Variants in TACR1 observed in about 807,000 individuals in gnomAD.
TACR1 encodes the protein tachykinin receptor 1.
A neutral mutation model predicts 35.8 loss-of-function variants in TACR1; 25 were observed. That is an observed-to-expected ratio of 0.70 (90% CI 0.51 to 0.98). The LOEUF (loss-of-function observed/expected upper bound fraction) is 0.98, where lower values mean the gene tolerates loss of function less well. Among genes scored for constraint, TACR1 ranks in the 50% least tolerant of loss-of-function variants. The pLI is 0.00. For missense variants in TACR1, 478 were observed against 522.9 expected (o/e 0.91, Z 0.84); for synonymous variants, 195 against 206.7 (o/e 0.94, Z 0.48).
intron 2 of TACR1, among the ~76,000 whole-genome samples, chr2:75,099,629 G>A (rs542673763): frequency 6.9e-4 from 105 of 152,312 alleles, no homozygotes; most frequent in African/African-American, 2.3e-3. Flanking sequence ...CCCAGGGAGA[G>A]GTTTGCGCGG....
intron 1 of TACR1, among the ~76,000 whole-genome samples, chr2:75,152,314 G>A (rs923708493): frequency 2.6e-5 from 4 of 152,318 alleles, no homozygotes; most frequent in South Asian, 2.1e-4. Context: ...CCCACGTGTT[G>A]TGGGAGGAAC....
At chr2:75,074,912 A>G (rs983439316) in intron 2 of TACR1, among the ~76,000 whole-genome samples, 16 of 152,336 alleles carry the variant, frequency 1.1e-4, no homozygotes, top group African/African-American at 3.4e-4. Flanking sequence ...TTTCAAAACT[A>G]AAAGCCCCAC....
chr2:75,058,415 C>T (rs1270368874), intron 2 of TACR1, among the ~76,000 whole-genome samples: 7 of 152,126 alleles, frequency 4.6e-5, no homozygotes, highest in Non-Finnish European at 1.0e-4. Context: ...TCTGCTATTT[C>T]CTAGATTTCT....
intron 2 of TACR1, among the ~76,000 whole-genome samples, chr2:75,065,131 C>T (rs1415258580): frequency 2.0e-5 from 3 of 152,186 alleles, no homozygotes; most frequent in African/African-American, 7.2e-5. Flanking sequence ...CACCAGGTGG[C>T]GCCAATCTGC....
At chr2:75,165,920 A>G (rs1210457290) in intron 1 of TACR1, among the ~76,000 whole-genome samples, 1 of 152,216 alleles carries the variant, frequency 6.6e-6, no homozygotes. Flanking sequence ...ACTTTTTAAC[A>G]AGAAAAGCCC....
Position 75,049,216 on chromosome 2 carries a change from AT to A in TACR1, c.*215del, listed in dbSNP as rs1287386124. 1.3e-5 allele frequency: 7 copies of A among 557,728 alleles called. No individual in the cohort carries two copies. The highest frequency in any genetic ancestry group is 2.2e-5 in the Non-Finnish European group (7 of 320,912). The allele number at this position is 557,728 out of a possible 1,614,324, so 34.5% of individuals were successfully genotyped here. A position where few individuals can be genotyped will look rare whatever the true frequency, so the allele number is the denominator to read the frequency against. On this transcript the variant is annotated 3_prime_UTR_variant, in exon 5 of 5. Transcript: ENST00000305249. Reference sequence around the variant, plus strand: ...TTTACAGGCTCAGCAAAGTTCAGTGATTTGGTTTGAGTCACACAGCATGAGG... The same window carrying A: ...TTTACAGGCTCAGCAAAGTTCAGTGATTGGTTTGAGTCACACAGCATGAGG...
At chr2:75,063,103 T>TCACTATCACGAG (rs1672701031) in intron 2 of TACR1, among the ~76,000 whole-genome samples, 2 of 152,196 alleles carry the variant, frequency 1.3e-5, no homozygotes. Flanking sequence ...TGAGACTTAC[T>TCACTATCACGAG]CACTATCACG....
At chr2:75,136,176 C>T (rs1012045808) in intron 1 of TACR1, among the ~76,000 whole-genome samples, 3 of 152,184 alleles carry the variant, frequency 2.0e-5, no homozygotes, top group African/African-American at 7.2e-5. Flanking sequence ...ACAGCCCAGC[C>T]TCTTCGTTTC....
At chr2:75,087,138 CAT>C (rs1673204859) in intron 2 of TACR1, among the ~76,000 whole-genome samples, 1 of 152,150 alleles carries the variant, frequency 6.6e-6, no homozygotes, top group Admixed American at 6.5e-5. Flanking sequence ...ATATGGGTAA[CAT>C]GTTGAAATGA....
At chr2:75,059,649 A>G (rs1030093770) in intron 2 of TACR1, among the ~76,000 whole-genome samples, 6 of 152,354 alleles carry the variant, frequency 3.9e-5, no homozygotes, top group Middle Eastern at 3.4e-3. Flanking sequence ...GTGGTCACGT[A>G]GCTTTCACAC....
intron 2 of TACR1, among the ~76,000 whole-genome samples, chr2:75,093,136 A>G (rs1014762406): frequency 6.6e-6 from 1 of 152,184 alleles, no homozygotes; most frequent in Admixed American, 6.5e-5. Context: ...GAAGGTGACA[A>G]TATGTTGCAG....
intron 1 of TACR1, among the ~76,000 whole-genome samples, chr2:75,143,105 C>G (rs1674441768): frequency 6.6e-6 from 1 of 151,478 alleles, no homozygotes; most frequent in Admixed American, 6.6e-5. Context: ...GAAGGCCTCA[C>G]CTGAGCAGAG....
At position 75,134,622 on chromosome 2, in the gene TACR1, A is replaced by C. The variant is rs556244064; in HGVS notation, c.390-13854T>G. Among the ~76,000 whole-genome samples, 8 of 152,354 alleles carry C rather than the reference A, an allele frequency of 5.3e-5. No homozygotes were observed. The South Asian group carries it at 1.7e-3, about 32-fold the overall frequency. On this transcript the variant is annotated intron_variant, in intron 1 of 4. Coordinates refer to ENST00000305249, the MANE Select transcript of TACR1 (RefSeq NM_001058.4). ...GCACAATCTATGGAAAGCTGTGTGC[A>C]ACATACTTTCTAGGAGAAGGCCACA...
At chr2:75,166,513 G>A (rs1418167445) in intron 1 of TACR1, among the ~76,000 whole-genome samples, 14 of 152,154 alleles carry the variant, frequency 9.2e-5, no homozygotes, top group Admixed American at 9.2e-4. Context: ...CAATCAATCA[G>A]CGCTCCTTCT....
chr2:75,102,146 A>G (rs758668560), intron 2 of TACR1, among the ~76,000 whole-genome samples: 32 of 152,044 alleles, frequency 2.1e-4, no homozygotes, highest in Non-Finnish European at 3.7e-4. Context: ...TGAGAAACAC[A>G]TGGTTCAGTT....
At chr2:75,077,036 T>C (rs1672994320) in intron 2 of TACR1, among the ~76,000 whole-genome samples, 1 of 152,182 alleles carries the variant, frequency 6.6e-6, no homozygotes, top group Admixed American at 6.5e-5. Context: ...AATGGCTCGA[T>C]CTTGGCTCAC....
chr2:75,180,943 G>C (rs1675545367), intron 1 of TACR1, among the ~76,000 whole-genome samples: 1 of 152,130 alleles, frequency 6.6e-6, no homozygotes, highest in Non-Finnish European at 1.5e-5. Flanking sequence ...ATATGTAGAC[G>C]CTCTTTTACA....
intron 1 of TACR1, among the ~76,000 whole-genome samples, chr2:75,139,104 G>A (rs1674352019): frequency 6.6e-6 from 1 of 152,102 alleles, no homozygotes; most frequent in Non-Finnish European, 1.5e-5. Flanking sequence ...ATTAATTAAG[G>A]CTTCTAAAGG....
intron 1 of TACR1, among the ~76,000 whole-genome samples, chr2:75,190,346 A>G (rs1675812199): frequency 6.6e-6 from 1 of 152,220 alleles, no homozygotes; most frequent in Admixed American, 6.5e-5. Flanking sequence ...CAAATGATGG[A>G]CTACTGGTAG....
Sources: gnomAD v4.1 joint callset for allele counts (sites outside exome capture counted in the v4.1 genomes callset) on GRCh38, gnomAD v4.1.1 for gene constraint, MANE v1.5 for transcripts, NCBI Gene and HGNC (gene_info 2026-07-23, HGNC 2026-07-21) for gene names.